Variants in LRRTM3 observed in about 807,000 individuals in gnomAD.
LRRTM3 encodes leucine-rich repeat transmembrane neuronal protein 3.
LRRTM3 carries 24 observed loss-of-function variants against 44.7 expected under a neutral mutation model. The observed-to-expected ratio is 0.54, with a 90% CI of 0.39 to 0.76. The LOEUF is 0.76. LRRTM3 is among the 30% of genes least tolerant of loss of function. The pLI, the probability that LRRTM3 is intolerant of heterozygous loss-of-function variation, is 0.00. For missense variants in LRRTM3, 587 were observed against 702.2 expected (o/e 0.84, Z 1.85); for synonymous variants, 277 against 278.7 (o/e 0.99, Z 0.06).
intron 2 of LRRTM3, among the ~76,000 whole-genome samples, chr10:67,011,792 G>A (rs1852357142): frequency 6.6e-6 from 1 of 152,078 alleles, no homozygotes. Flanking sequence ...CATACATACA[G>A]AAGAGAAAAT....
At chr10:66,932,807 G>T (rs1341669814) in intron 2 of LRRTM3, among the ~76,000 whole-genome samples, 1 of 152,110 alleles carries the variant, frequency 6.6e-6, no homozygotes, top group Non-Finnish European at 1.5e-5. Flanking sequence ...GATGATTTTG[G>T]ATACTTAATA....
chr10:67,008,045 G>C (rs1481779240), intron 2 of LRRTM3, among the ~76,000 whole-genome samples: 1 of 151,112 alleles, frequency 6.6e-6, no homozygotes, highest in Non-Finnish European at 1.5e-5. Flanking sequence ...TGAAATTAAT[G>C]AATTTACTAA....
At chr10:67,024,070 C>A (rs1853198070) in intron 2 of LRRTM3, among the ~76,000 whole-genome samples, 1 of 152,204 alleles carries the variant, frequency 6.6e-6, no homozygotes, top group African/African-American at 2.4e-5. Context: ...GGACAGAAGT[C>A]CAAAATCAGC....
At chr10:67,039,889 A>G (rs1255041855) in intron 2 of LRRTM3, among the ~76,000 whole-genome samples, 1 of 152,142 alleles carries the variant, frequency 6.6e-6, no homozygotes, top group African/African-American at 2.4e-5. Flanking sequence ...TATGACCTCA[A>G]TCTGAATTTC....
intron 2 of LRRTM3, among the ~76,000 whole-genome samples, chr10:67,025,668 TA>T (rs1372500224): frequency 6.6e-6 from 1 of 152,152 alleles, no homozygotes; most frequent in Non-Finnish European, 1.5e-5. Flanking sequence ...AAGTACTATA[TA>T]AGTACTATAT....
chr10:66,938,136 A>T (rs539445863), intron 2 of LRRTM3, among the ~76,000 whole-genome samples: 1 of 152,306 alleles, frequency 6.6e-6, no homozygotes, highest in Non-Finnish European at 1.5e-5. Flanking sequence ...AATTGTATCA[A>T]CCTTATATTT....
chr10:67,082,096 C>T (rs1054501370), intron 2 of LRRTM3, among the ~76,000 whole-genome samples: 1 of 152,132 alleles, frequency 6.6e-6, no homozygotes, highest in Non-Finnish European at 1.5e-5. Flanking sequence ...TCAGCATTCT[C>T]AAGAACCAAT....
intron 2 of LRRTM3, chr10:67,052,607 A>G (rs565992086): frequency 3.9e-5 from 6 of 152,286 alleles, no homozygotes; most frequent in Admixed American, 3.3e-4. Context: ...CATTGTCCCA[A>G]ACTGCCCCAT....
At chr10:67,057,853 C>T (rs936782566) in intron 2 of LRRTM3, among the ~76,000 whole-genome samples, 5 of 152,046 alleles carry the variant, frequency 3.3e-5, no homozygotes, top group Non-Finnish European at 7.4e-5. Flanking sequence ...AGATTGAAGC[C>T]AAAATATGAG....
chr10:67,055,319 A>C (rs1409892976), intron 2 of LRRTM3, among the ~76,000 whole-genome samples: 6 of 152,206 alleles, frequency 3.9e-5, no homozygotes, highest in African/African-American at 1.4e-4. Flanking sequence ...TTATTGGAAC[A>C]AACTCATTAA....
intron 2 of LRRTM3, among the ~76,000 whole-genome samples, chr10:67,046,691 GGA>G (rs1239991430): frequency 6.6e-6 from 1 of 152,130 alleles, no homozygotes; most frequent in Non-Finnish European, 1.5e-5. Context: ...CATTGGCACA[GGA>G]GAAGATAAAT....
At chr10:67,063,736 A>G (rs1855899040) in intron 2 of LRRTM3, among the ~76,000 whole-genome samples, 1 of 152,230 alleles carries the variant, frequency 6.6e-6, no homozygotes, top group African/African-American at 2.4e-5. Flanking sequence ...CTTGTACTCT[A>G]TATAAACTCT....
rs982159114 is a variant in LRRTM3, at chr10:67,100,391, A to T, written c.*2595A>T. 6.6e-6 allele frequency among the ~76,000 whole-genome samples: 1 copy of T among 151,522 alleles called. No homozygotes were observed. Among genetic ancestry groups the T allele is most frequent in the East Asian group, 1.9e-4 (1 of 5,160 alleles). ...AAAATGCTGGATGATGATTATTATT[A>T]TTTTTGCTTAATTTTTATTTTGCCA... On this transcript the variant is annotated 3_prime_UTR_variant, in exon 3 of 3. Coordinates refer to ENST00000361320, the MANE Select transcript of LRRTM3 (RefSeq NM_178011.5).
chr10:66,926,688 G>A (rs1207835080), intron 1 of LRRTM3, 101 bp downstream of exon 1: 24 of 1,371,356 alleles, frequency 1.8e-5, no homozygotes, highest in Non-Finnish European at 2.3e-5. Flanking sequence ...AGATTACCTT[G>A]CTCTGCTCTA....
chr10:66,954,936 A>C (rs1589485252), intron 2 of LRRTM3, among the ~76,000 whole-genome samples: 1 of 152,294 alleles, frequency 6.6e-6, no homozygotes, highest in African/African-American at 2.4e-5. Context: ...CTCATATATA[A>C]AACGGAAGTA....
intron 2 of LRRTM3, among the ~76,000 whole-genome samples, chr10:67,031,078 T>C (rs1468777407): frequency 2.0e-5 from 3 of 152,220 alleles, no homozygotes; most frequent in Non-Finnish European, 4.4e-5. Context: ...TACCCCGTCA[T>C]ACTTGACTTC....
Position 67,099,781 on chromosome 10 carries a change from T to G in LRRTM3, c.*1985T>G, listed in dbSNP as rs1317314509. ...GCATAAATTATTTGCTCTTCAAAAATTTTTGTCATTTTAAATCTAATTTTA... is the reference window on the plus strand; with the variant it reads ...GCATAAATTATTTGCTCTTCAAAAAGTTTTGTCATTTTAAATCTAATTTTA... On this transcript the variant is annotated 3_prime_UTR_variant, in exon 3 of 3. Transcript: ENST00000361320. 6.6e-6 allele frequency: 1 copy of G among 152,076 alleles called. No homozygotes were observed. The highest frequency in any genetic ancestry group is 2.4e-5 in the African/African-American group (1 of 41,388). The allele number at this position is 152,076 out of a possible 1,614,324, so 9.4% of individuals were successfully genotyped here. A position where few individuals can be genotyped will look rare whatever the true frequency, so the allele number is the denominator to read the frequency against.
chr10:67,084,913 A>T (rs1020983272), intron 2 of LRRTM3, among the ~76,000 whole-genome samples: 5 of 151,926 alleles, frequency 3.3e-5, no homozygotes, highest in African/African-American at 1.2e-4. Flanking sequence ...AAATAATTAC[A>T]TGAAACTCCT....
At chr10:67,077,763 C>T (rs939466985) in intron 2 of LRRTM3, among the ~76,000 whole-genome samples, 5 of 151,926 alleles carry the variant, frequency 3.3e-5, no homozygotes, top group African/African-American at 1.2e-4. Flanking sequence ...TCACTAGCAC[C>T]TAAGACAGTA....
Sources: allele counts gnomAD v4.1 joint callset (sites outside exome capture counted in the v4.1 genomes callset), GRCh38; gene constraint gnomAD v4.1.1; transcripts MANE v1.5; gene names NCBI Gene and HGNC (gene_info 2026-07-23, HGNC 2026-07-21).